The following CTSS variants were observed in gnomAD, a reference collection of about 807,000 sequenced individuals.
The protein encoded by CTSS is cathepsin S.
A neutral mutation model predicts 39.9 loss-of-function variants in CTSS; 15 were observed. The ratio of observed to expected loss-of-function variants is 0.38; its 90% CI spans 0.25 to 0.58. The LOEUF is 0.58. CTSS is among the 20% of genes least tolerant of loss of function. The pLI is 0.70. For synonymous variants in CTSS, 126 were observed against 138.2 expected (o/e 0.91, Z 0.62); for missense variants, 250 against 398.2 (o/e 0.63, Z 3.17).
intron 7 of CTSS, among the ~76,000 whole-genome samples, chr1:150,743,617 TG>T (rs1341168057): frequency 2.2e-4 from 21 of 95,772 alleles, no homozygotes; most frequent in Admixed American, 4.3e-4. Flanking sequence ...ATATTATATA[TG>T]TATATTATGT....
chr1:150,752,672 A>G (rs1228282241), intron 4 of CTSS, among the ~76,000 whole-genome samples: 1 of 152,208 alleles, frequency 6.6e-6, no homozygotes, highest in Non-Finnish European at 1.5e-5. Flanking sequence ...ATTGTTCATT[A>G]AAATGCAAGC....
chr1:150,760,136 A>G (rs1345350184), intron 2 of CTSS, among the ~76,000 whole-genome samples: 1 of 152,216 alleles, frequency 6.6e-6, no homozygotes, highest in Non-Finnish European at 1.5e-5. Context: ...ACAGAGGGAT[A>G]GCATTCATTT....
Position 150,736,112 on chromosome 1 carries a change from A to C in CTSS, c.897-2967T>G, listed in dbSNP as rs200561935. ...TCACTATGTTGCCCAGGCTGTAGCAATGCTCTTTTAATATCCAGTTTGATA... is the reference window on the plus strand; with the variant it reads ...TCACTATGTTGCCCAGGCTGTAGCACTGCTCTTTTAATATCCAGTTTGATA... On this transcript the variant is annotated intron_variant, in intron 7 of 7. Coordinates refer to ENST00000368985, the MANE Select transcript of CTSS (RefSeq NM_004079.5). Among the ~76,000 whole-genome samples the C allele has an allele frequency of 5.3e-5, 8 of 152,212 alleles. No individual in the cohort carries two copies. The East Asian group carries it at 1.2e-3, about 22-fold the overall frequency.
At chr1:150,757,026 T>C (rs587606342) in intron 3 of CTSS, among the ~76,000 whole-genome samples, 1 of 152,240 alleles carries the variant, frequency 6.6e-6, no homozygotes, top group African/African-American at 2.4e-5. Flanking sequence ...TATCCTACTT[T>C]CTAATATCCT....
intron 2 of CTSS, among the ~76,000 whole-genome samples, chr1:150,759,686 C>T (rs140761717): frequency 1.3e-5 from 2 of 152,032 alleles, no homozygotes; most frequent in South Asian, 2.1e-4. Flanking sequence ...TGCTGACCGA[C>T]GATTTTCTTG....
At chr1:150,755,704 C>T (rs1653109509) in intron 3 of CTSS, among the ~76,000 whole-genome samples, 1 of 151,590 alleles carries the variant, frequency 6.6e-6, no homozygotes, top group Non-Finnish European at 1.5e-5. Context: ...CGCGCCAGTG[C>T]ACTCCAGCCT....
chr1:150,750,218 A>G, intron 5 of CTSS, 47 bp from the exon 6 acceptor site: 2 of 1,453,778 alleles, frequency 1.4e-6, no homozygotes, highest in Non-Finnish European at 1.9e-6. Context: ...CAACTCCTGT[A>G]TAAATCACCT....
chr1:150,758,031 G>A, intron 2 of CTSS, 51 bp from the exon 3 acceptor site: 1 of 1,552,002 alleles, frequency 6.4e-7, no homozygotes, highest in East Asian at 2.3e-5. Flanking sequence ...GGACAAATAA[G>A]TGTTTGATGA....
In CTSS at chr1:150,733,042, T is replaced by A. The variant is rs1008343358; in HGVS notation, c.*4A>T. Reference sequence around the variant, plus strand: ...CTTGATTTGTTATAAAAAGGAGAGATCCTCTAGATTTCTGGGTAAGAGGGA... The same window carrying A: ...CTTGATTTGTTATAAAAAGGAGAGAACCTCTAGATTTCTGGGTAAGAGGGA... On this transcript the variant is annotated 3_prime_UTR_variant, in exon 8 of 8. Coordinates refer to ENST00000368985, the MANE Select transcript of CTSS (RefSeq NM_004079.5). 1.9e-6 allele frequency: 3 copies of A among 1,595,082 alleles called. No individual in the cohort carries two copies. Among genetic ancestry groups the A allele is most frequent in the East Asian group, 2.2e-5 (1 of 44,728 alleles).
At chr1:150,749,517 A>G (rs1004155157) in intron 6 of CTSS, among the ~76,000 whole-genome samples, 5 of 152,108 alleles carry the variant, frequency 3.3e-5, no homozygotes, top group African/African-American at 1.2e-4. Flanking sequence ...GTTTGAAGCC[A>G]GCAGATGTTG....
chr1:150,749,897 C>T, intron 6 of CTSS, 109 bp downstream of exon 6: 1 of 900,964 alleles, frequency 1.1e-6, no homozygotes, highest in Non-Finnish European at 1.6e-6. Flanking sequence ...TCAAGCAATC[C>T]TCCCACCTCA....
intron 4 of CTSS, among the ~76,000 whole-genome samples, chr1:150,753,031 T>G (rs1388917681): frequency 6.6e-6 from 1 of 152,096 alleles, no homozygotes; most frequent in Non-Finnish European, 1.5e-5. Flanking sequence ...TTATTTTTAT[T>G]TTTTGTAGAG....
At chr1:150,757,512 A>G (rs776254628) in intron 3 of CTSS, among the ~76,000 whole-genome samples, 1 of 152,164 alleles carries the variant, frequency 6.6e-6, no homozygotes, top group Non-Finnish European at 1.5e-5. Context: ...GATGGGTCAT[A>G]CTAAATTGTC....
chr1:150,737,157 C>A (rs1652653338), intron 7 of CTSS, among the ~76,000 whole-genome samples: 1 of 151,864 alleles, frequency 6.6e-6, no homozygotes, highest in South Asian at 2.1e-4. Context: ...GGCTGGAGTG[C>A]AATGGCACAA....
At chr1:150,757,686 CTAAG>C (rs1251492850) in intron 3 of CTSS, among the ~76,000 whole-genome samples, 168 bp downstream of exon 3, 3 of 152,102 alleles carry the variant, frequency 2.0e-5, no homozygotes, top group Non-Finnish European at 4.4e-5. Context: ...CAAAATAGAA[CTAAG>C]TAAGAAATTT....
At chr1:150,765,122 C>T (rs1175141738) in intron 1 of CTSS, among the ~76,000 whole-genome samples, 1 of 151,480 alleles carries the variant, frequency 6.6e-6, no homozygotes, top group Admixed American at 6.6e-5. Flanking sequence ...AAAAATCATC[C>T]TTAAGAGAGA....
chr1:150,754,111 CTTTTTT>C (rs751446609), intron 4 of CTSS, among the ~76,000 whole-genome samples: 23 of 128,262 alleles, frequency 1.8e-4, no homozygotes, highest in African/African-American at 5.0e-4. Context: ...CTCCTATACA[CTTTTTT>C]TTTTTTTTTT....
intron 1 of CTSS, 93 bp from the exon 2 acceptor site, chr1:150,764,857 T>TGTCCCTTTG: frequency 1.4e-6 from 2 of 1,432,494 alleles, no homozygotes; most frequent in Non-Finnish European, 1.9e-6. Context: ...ATGCAAAGTC[T>TGTCCCTTTG]ATCAAAGGGA....
At chr1:150,754,859 A>G in intron 4 of CTSS, 142 bp downstream of exon 4, 1 of 865,968 alleles carries the variant, frequency 1.2e-6, no homozygotes, top group Non-Finnish European at 1.7e-6. Flanking sequence ...GGAACTTATA[A>G]TTTAGTTGGG....
Sources: allele counts gnomAD v4.1 joint callset (sites outside exome capture counted in the v4.1 genomes callset), GRCh38; gene constraint gnomAD v4.1.1; transcripts MANE v1.5; gene names NCBI Gene and HGNC (gene_info 2026-07-23, HGNC 2026-07-21).